The following MCF2L2 variants were observed in gnomAD, a reference collection of about 807,000 sequenced individuals.
MCF2L2 encodes the protein probable guanine nucleotide exchange factor MCF2L2.
MCF2L2 carries 102 observed loss-of-function variants against 150.2 expected under a neutral mutation model. The ratio of observed to expected loss-of-function variants is 0.68; its 90% confidence interval spans 0.58 to 0.80. The LOEUF is 0.80. Ranked by LOEUF, MCF2L2 falls within the 30% of genes least tolerant of loss-of-function variation. The pLI is 0.00. For synonymous variants in MCF2L2, 465 were observed against 491.3 expected (o/e 0.95, Z 0.71); for missense variants, 1,256 against 1,372.8 (o/e 0.91, Z 1.34).
intron 26 of MCF2L2, among the ~76,000 whole-genome samples, chr3:183,194,205 G>A (rs1722005067): frequency 6.6e-6 from 1 of 152,110 alleles, no homozygotes; most frequent in Admixed American, 6.6e-5. Context: ...GTTCCATGAG[G>A]ATCAGGCTAA....
At position 183,239,205 on chromosome 3, in the gene MCF2L2, G is replaced by C. The variant is rs1049206373; in HGVS notation, c.1863-8188C>G. On this transcript the variant is annotated intron_variant, in intron 15 of 29. Transcript: ENST00000328913. ...ATACCAAAGGGAGCTTAGGATGCAA[G>C]AGCAGCCTGCACTAATGTACTCTGC... 2.0e-5 allele frequency among the ~76,000 whole-genome samples: 3 copies of C among 152,170 alleles called. No individual in the cohort carries two copies. The South Asian group carries it at 6.2e-4, about 32-fold the overall frequency.
At chr3:183,302,143 G>A (rs889532310) in intron 10 of MCF2L2, among the ~76,000 whole-genome samples, 2 of 152,172 alleles carry the variant, frequency 1.3e-5, no homozygotes, top group Non-Finnish European at 2.9e-5. Context: ...GGGGCAGGAA[G>A]TATGTCCTGT....
chr3:183,267,941 C>T lies in MCF2L2; in HGVS notation c.1862+8931G>A, dbSNP rs1036695125. On this transcript the variant is annotated intron_variant, in intron 15 of 29. Transcript: ENST00000328913. This position sits in a 1 kb window ranked among gnomAD's most constrained non-coding sequence, Gnocchi z 5.5. ...TGGGGAATGCCTACCAGGGGTCACA[C>T]ACTGAGCTGGATGCTGAGTGTAGGG... Among the ~76,000 whole-genome samples, 5 of 152,202 alleles carry T rather than the reference C, an allele frequency of 3.3e-5. No individual in the cohort carries two copies. The highest frequency in any genetic ancestry group is 1.2e-4 in the African/African-American group (5 of 41,434).
At chr3:183,400,198 G>C (rs1376483281) in intron 1 of MCF2L2, among the ~76,000 whole-genome samples, 3 of 151,972 alleles carry the variant, frequency 2.0e-5, no homozygotes, top group Non-Finnish European at 4.4e-5. Context: ...TTTTAAAAAA[G>C]TCATTTTAAA....
At chr3:183,198,987 T>C (rs1485162470) in intron 25 of MCF2L2, among the ~76,000 whole-genome samples, 1 of 152,252 alleles carries the variant, frequency 6.6e-6, no homozygotes, top group Non-Finnish European at 1.5e-5. Context: ...TTTTCCCATC[T>C]TATCTGTATA....
At chr3:183,297,708 T>C (rs1728609834) in intron 11 of MCF2L2, 1 of 144,716 alleles carries the variant, frequency 6.9e-6, no homozygotes, top group Admixed American at 6.6e-5. Context: ...CTTTCCTTTT[T>C]TTGAGACAGG....
chr3:183,281,552 A>G (rs1727482920), intron 14 of MCF2L2, among the ~76,000 whole-genome samples: 1 of 152,098 alleles, frequency 6.6e-6, no homozygotes, highest in South Asian at 2.1e-4. Context: ...ATTCCTTTGG[A>G]AAACTGGGCA....
chr3:183,383,516 G>A (rs1285668414), intron 2 of MCF2L2, among the ~76,000 whole-genome samples: 1 of 152,036 alleles, frequency 6.6e-6, no homozygotes, highest in African/African-American at 2.4e-5. Context: ...ATTGATTACA[G>A]GCGTAAGCCA....
chr3:183,272,248 C>T, intron 15 of MCF2L2: 1 of 1,000,206 alleles, frequency 1.0e-6, no homozygotes, highest in Non-Finnish European at 1.2e-6. Flanking sequence ...CTATAATACA[C>T]ACTACCTCCC....
At chr3:183,296,921 C>T (rs1251132462) in intron 12 of MCF2L2, 55 bp downstream of exon 12, 17 of 1,550,498 alleles carry the variant, frequency 1.1e-5, no homozygotes, top group Non-Finnish European at 1.3e-5. Flanking sequence ...GGTACAGTCC[C>T]TCCCTCCCCT....
intron 5 of MCF2L2, among the ~76,000 whole-genome samples, chr3:183,337,309 C>A (rs966917457): frequency 6.6e-6 from 1 of 152,118 alleles, no homozygotes; most frequent in African/African-American, 2.4e-5. Context: ...GTAATCCCAG[C>A]ACTTTGGGAG....
At chr3:183,269,459 C>G (rs1726525527) in intron 15 of MCF2L2, 1 of 221,360 alleles carries the variant, frequency 4.5e-6, no homozygotes, top group African/African-American at 2.3e-5. Flanking sequence ...CTTAGTAACC[C>G]ACGCGATTGT....
intron 15 of MCF2L2, chr3:183,272,033 A>G: frequency 1.9e-6 from 1 of 538,028 alleles, no homozygotes. Flanking sequence ...ATCTAAAACA[A>G]TTTATTTTTC....
chr3:183,270,000 T>A (rs1308076919), intron 15 of MCF2L2: 2 of 1,614,150 alleles, frequency 1.2e-6, no homozygotes, highest in South Asian at 2.2e-5. Flanking sequence ...TAAGCACACC[T>A]CAGCGGGGCC....
At chr3:183,336,049 A>C (rs906719281) in intron 5 of MCF2L2, among the ~76,000 whole-genome samples, 8 of 152,266 alleles carry the variant, frequency 5.3e-5, no homozygotes, top group African/African-American at 1.9e-4. Flanking sequence ...TTGATTGTGG[A>C]CTTCCCAACC....
At chr3:183,288,130 T>C (rs1727899939) in intron 14 of MCF2L2, among the ~76,000 whole-genome samples, 1 of 152,240 alleles carries the variant, frequency 6.6e-6, no homozygotes, top group South Asian at 2.1e-4. Context: ...CTTAGCAATT[T>C]TCAAATTTTC....
intron 1 of MCF2L2, among the ~76,000 whole-genome samples, chr3:183,413,138 C>G (rs1325897832): frequency 1.3e-5 from 2 of 152,048 alleles, no homozygotes; most frequent in East Asian, 1.9e-4. Flanking sequence ...CTTTGTTGAG[C>G]CTTTTTGTAT....
chr3:183,264,559 C>G (rs890131929), intron 15 of MCF2L2, among the ~76,000 whole-genome samples: 1 of 152,208 alleles, frequency 6.6e-6, no homozygotes, highest in African/African-American at 2.4e-5. Flanking sequence ...AGAGTAAATA[C>G]TCATATACTT....
rs1360216895 is a variant in MCF2L2 at position 183,318,216 on chromosome 3, G to A, written c.605C>T (p.Ala202Val). The A allele has an allele frequency of 1.7e-5, 28 of 1,614,072 alleles. No homozygotes were observed. The highest frequency in any genetic ancestry group is 4.5e-5 in the East Asian group (2 of 44,900). Residue 202 changes from alanine (A) to valine (V), a missense_variant and splice_region_variant, in exon 7 of 30, where the codon GCC becomes GTC. Transcript: ENST00000328913. ...CAAGGTCAAGGCAAAGTTTTCGATG[G>A]CCTGGAAGGTCAGACAATTGTAACA... ...RHGQWVNHRT[A>V]IENFALTLKT...
Sources: gnomAD v4.1 joint callset for allele counts (sites outside exome capture counted in the v4.1 genomes callset) on GRCh38, gnomAD v4.1.1 for gene constraint, Gnocchi (gnomAD v3.1) non-coding constraint, MANE v1.5 for transcripts, NCBI Gene and HGNC (gene_info 2026-07-23, HGNC 2026-07-21) for gene names.